MNX1: variants seen among roughly 807,000 people sequenced by gnomAD.
The protein encoded by MNX1 is motor neuron and pancreas homeobox 1.
In MNX1, 2 loss-of-function variants were observed where a neutral mutation model predicts 17.3. The ratio of observed to expected loss-of-function variants is 0.12; its 90% confidence interval spans 0.05 to 0.36. The LOEUF is 0.36. MNX1 is among the 10% of genes least tolerant of loss of function. The pLI is 1.00. For synonymous variants in MNX1, 306 were observed against 283.1 expected (o/e 1.08, Z -0.81); for missense variants, 556 against 564.7 (o/e 0.98, Z 0.16).
intron 1 of MNX1, chr7:157,009,134 A>G: frequency 6.5e-7 from 1 of 1,529,488 alleles, no homozygotes; most frequent in Non-Finnish European, 8.8e-7. Flanking sequence ...CGCCCTGGTA[A>G]GAGCCGGGGG....
Position 157,005,611 on chromosome 7 carries a change from T to C in MNX1, c.1115A>G (p.Asn372Ser), listed in dbSNP as rs1286597819. 2 of 1,603,790 alleles carry C rather than the reference T, an allele frequency of 1.2e-6. No individual in the cohort carries two copies. Among genetic ancestry groups the C allele is most frequent in the Non-Finnish European group, 1.7e-6 (2 of 1,176,026 alleles). Reference protein sequence around the residue: ...EDDEDHFPYSNGASVHAASSD... With the variant: ...EDDEDHFPYSSGASVHAASSD... ...GGAGGCGGCGTGGACGCTGGCGCCG[T>C]TGCTGTAGGGGAAATGGTCCTCGTC... Residue 372 changes from asparagine (N) to serine (S), a missense_variant, in exon 3 of 3, where the codon AAC becomes AGC. Coordinates refer to ENST00000252971, the MANE Select transcript of MNX1 (RefSeq NM_005515.4).
rs1480573696 is a variant in MNX1, at chr7:157,005,389, G to A, written c.*131C>T. ...GAATCCCTCCAGCCCCGGCCTGGGC[G>A]AGGGGTCCATGGGGCGGCGGTCGAG... On this transcript the variant is annotated 3_prime_UTR_variant, in exon 3 of 3. Transcript: ENST00000252971. The A allele has an allele frequency of 1.8e-6, 1 of 548,126 alleles. No homozygotes were observed. Among genetic ancestry groups the A allele is most frequent in the Non-Finnish European group, 2.6e-6 (1 of 387,288 alleles). The allele number at this position is 548,126 out of a possible 1,614,324, so 34.0% of individuals were successfully genotyped here. A position where few individuals can be genotyped will look rare whatever the true frequency, so the allele number is the denominator to read the frequency against.
rs1249707555 is a variant in MNX1, at chr7:157,010,318, G to A, written c.33C>T (p.Ala11=). 1.3e-6 allele frequency: 2 copies of A among 1,582,544 alleles called. No individual in the cohort carries two copies. Among genetic ancestry groups the A allele is most frequent in the East Asian group, 2.4e-5 (1 of 41,782 alleles). ...CTCGTGGGGGGTCCACCGCCAGCAGGGCGTCGATGCGGAAATTTTTGGATT... is the reference window on the plus strand; with the variant it reads ...CTCGTGGGGGGTCCACCGCCAGCAGAGCGTCGATGCGGAAATTTTTGGATT... MEKSKNFRID[A]LLAVDPPRAA... is the part of the protein sequence containing the mutation. The change falls in exon 1 of 3, where the codon GCC becomes GCT. Residue 11 remains alanine (A), a synonymous_variant. Coordinates refer to ENST00000252971, the MANE Select transcript of MNX1 (RefSeq NM_005515.4).
In MNX1 at chr7:157,006,503, G is replaced by T; in HGVS notation, c.828C>A (p.Thr276=). 6.2e-7 allele frequency: 1 copy of T among 1,611,286 alleles called. No homozygotes were observed. The highest frequency in any genetic ancestry group is 1.1e-5 in the South Asian group (1 of 90,382). Residue 276 remains threonine (T), a synonymous_variant, in exon 2 of 3, where the codon ACC becomes ACA. Transcript: ENST00000252971. The surrounding 1 kb of genome is among the most constrained non-coding windows in gnomAD (Gnocchi z 6.3). ...CCTGGGTCTCGGTGAGCATGAGCGA[G>T]GTGGCCACCTCGAAGCGCTTGGGCC... ...LSRPKRFEVA[T]SLMLTETQVK... is the part of the protein sequence containing the mutation.
rs1805593701 is a variant in MNX1, at chr7:157,006,142, C to G, written c.853-269G>C. 6.6e-6 allele frequency among the ~76,000 whole-genome samples: 1 copy of G among 152,240 alleles called. No individual in the cohort carries two copies. Among genetic ancestry groups the G allele is most frequent in the Non-Finnish European group, 1.5e-5 (1 of 68,038 alleles). On this transcript the variant is annotated intron_variant, in intron 2 of 2. Transcript: ENST00000252971. This position sits in a 1 kb window ranked among gnomAD's most constrained non-coding sequence, Gnocchi z 6.3. ...GACCCAGGCCGGGGACTTTTCTACC[C>G]GCGCCCTCCGTCTGCGGAGGAAGGG...
Position 157,005,448 on chromosome 7 carries a change from C to G in MNX1, c.*72G>C. On this transcript the variant is annotated 3_prime_UTR_variant, in exon 3 of 3. Coordinates refer to ENST00000252971, the MANE Select transcript of MNX1 (RefSeq NM_005515.4). ...CGGGGCCGGGCCGGGTGGGTGCGGG[C>G]GCCGGGGCCTCCGGGAGAAGCCGCC... The G allele has an allele frequency of 1.8e-6, 2 of 1,102,822 alleles. No individual in the cohort carries two copies. Among genetic ancestry groups the G allele is most frequent in the Non-Finnish European group, 2.3e-6 (2 of 880,524 alleles). 68.3% of individuals were successfully genotyped at this position (1,102,822 alleles called of 1,614,324 possible).
chr7:157,005,455 G>T lies in MNX1; in HGVS notation c.*65C>A, dbSNP rs1398353525. On this transcript the variant is annotated 3_prime_UTR_variant, in exon 3 of 3. Coordinates refer to ENST00000252971, the MANE Select transcript of MNX1 (RefSeq NM_005515.4). ...GGGCCGGGTGGGTGCGGGCGCCGGG[G>T]CCTCCGGGAGAAGCCGCCGGCCGGG... 3.7e-5 allele frequency: 43 copies of T among 1,157,926 alleles called. No homozygotes were observed. Among genetic ancestry groups the T allele is most frequent in the Non-Finnish European group, 4.4e-5 (41 of 927,240 alleles). 71.7% of individuals were successfully genotyped at this position (1,157,926 alleles called of 1,614,324 possible).
In MNX1 at chr7:157,005,724, C is replaced by T. The variant is rs771133897; in HGVS notation, c.1002G>A (p.Leu334=). Residue 334 remains leucine (L), a synonymous_variant, in exon 3 of 3, where the codon CTG becomes CTA. Coordinates refer to ENST00000252971, the MANE Select transcript of MNX1 (RefSeq NM_005515.4). ...GAEEPGAEEL[L]GPPAPGDKGS... The stretch of plus-strand genomic sequence containing the variant: ...CCTTGTCTCCGGGCGCTGGCGGCCC[C>T]AGCAGCTCCTCGGCTCCCGGCTCCT... 1 of 1,610,056 alleles carries T rather than the reference C, an allele frequency of 6.2e-7. No homozygotes were observed. Among genetic ancestry groups the T allele is most frequent in the East Asian group, 2.2e-5 (1 of 44,832 alleles).
chr7:157,009,400 G>A, intron 1 of MNX1: 7 of 1,424,946 alleles, frequency 4.9e-6, no homozygotes, highest in Non-Finnish European at 6.4e-6. Context: ...TTAGATCTCA[G>A]TCTCACACCT....
Position 157,010,356 on chromosome 7 carries a change from C to T in MNX1, c.-6G>A, listed in dbSNP as rs763573015. ...AAATTTTTGGATTTTTCCATCGGCT[C>T]GTTTGGGGCTGGCGCTCAGGGCCCG... On this transcript the variant is annotated 5_prime_UTR_variant, in exon 1 of 3. Coordinates refer to ENST00000252971, the MANE Select transcript of MNX1 (RefSeq NM_005515.4). 5.1e-6 allele frequency: 8 copies of T among 1,571,726 alleles called. No individual in the cohort carries two copies. The East Asian group carries it at 1.2e-4, about 24-fold the overall frequency.
chr7:157,008,885 G>GC, intron 1 of MNX1: 1 of 1,124,842 alleles, frequency 8.9e-7, no homozygotes, highest in South Asian at 1.4e-5. Flanking sequence ...AGGGGCCCAG[G>GC]CCTCTGGCGA....
In MNX1 at chr7:157,009,901, C is replaced by T. The variant is rs1385332405; in HGVS notation, c.450G>A (p.Ala150=). The T allele has an allele frequency of 3.0e-6, 4 of 1,346,122 alleles. No individual in the cohort carries two copies. The highest frequency in any genetic ancestry group is 2.7e-4 in the Middle Eastern group (1 of 3,658). The allele number at this position is 1,346,122 out of a possible 1,614,324, so 83.4% of individuals were successfully genotyped here. The change falls in exon 1 of 3, where the codon GCG becomes GCA. Residue 150 remains alanine, a synonymous_variant. Transcript: ENST00000252971. ...AGAGCGCCGCCTGCGCCGGGAGGCCCGCGCCGCCCTGCGCGCCCCCAGGGT... is the reference window on the plus strand; with the variant it reads ...AGAGCGCCGCCTGCGCCGGGAGGCCTGCGCCGCCCTGCGCGCCCCCAGGGT... ...GLHPGGAQGG[A]GLPAQAALYG... is the part of the protein sequence containing the mutation.
chr7:157,006,245 G>C lies in MNX1; in HGVS notation c.852+234C>G. 1.7e-6 allele frequency: 1 copy of C among 591,654 alleles called. No individual in the cohort carries two copies. Among genetic ancestry groups the C allele is most frequent in the Non-Finnish European group, 3.0e-6 (1 of 335,220 alleles). 36.7% of individuals were successfully genotyped at this position (591,654 alleles called of 1,614,324 possible). A position where few individuals can be genotyped will look rare whatever the true frequency, so the allele number is the denominator to read the frequency against. On this transcript the variant is annotated intron_variant, in intron 2 of 2. Coordinates refer to ENST00000252971, the MANE Select transcript of MNX1 (RefSeq NM_005515.4). This position sits in a 1 kb window ranked among gnomAD's most constrained non-coding sequence, Gnocchi z 6.3. Reference sequence around the variant, plus strand: ...TCTGGAACAAAATTTCTCGAATGCGGCCTGGGGATCACCTTCTTCAGAATG... The same window carrying C: ...TCTGGAACAAAATTTCTCGAATGCGCCCTGGGGATCACCTTCTTCAGAATG...
chr7:157,005,966 T>G, intron 2 of MNX1, 93 bp from the exon 3 acceptor site: 1 of 1,468,338 alleles, frequency 6.8e-7, no homozygotes. Flanking sequence ...TGGGCCCCAT[T>G]GGGTCGGCCC....
intron 1 of MNX1, chr7:157,008,892 G>C (rs777387160): frequency 1.6e-6 from 2 of 1,226,596 alleles, no homozygotes; most frequent in African/African-American, 3.0e-5. Context: ...CAGGCCTCTG[G>C]CGAGGTGTCC....
In MNX1 at chr7:157,006,287, A is replaced by T; in HGVS notation, c.852+192T>A. The stretch of plus-strand genomic sequence containing the variant: ...TTCAGAATGAAAGGAGGGGTGGTTA[A>T]GTGCTGATTCTTGGGCCCCACCCGA... On this transcript the variant is annotated intron_variant, in intron 2 of 2. Transcript: ENST00000252971. This position sits in a 1 kb window ranked among gnomAD's most constrained non-coding sequence, Gnocchi z 6.3. 3.2e-6 allele frequency: 2 copies of T among 616,170 alleles called. No homozygotes were observed. Among genetic ancestry groups the T allele is most frequent in the Non-Finnish European group, 5.7e-6 (2 of 353,428 alleles). 38.2% of individuals were successfully genotyped at this position (616,170 alleles called of 1,614,324 possible). A position where few individuals can be genotyped will look rare whatever the true frequency, so the allele number is the denominator to read the frequency against.
At position 157,005,731 on chromosome 7, in the gene MNX1, T is replaced by C. The variant is rs1805583870; in HGVS notation, c.995A>G (p.Glu332Gly). The C allele has an allele frequency of 6.2e-7, 1 of 1,609,496 alleles. No homozygotes were observed. The highest frequency in any genetic ancestry group is 8.5e-7 in the Non-Finnish European group (1 of 1,179,248). ...KGGAEEPGAE[E>G]LLGPPAPGDK... is the part of the protein sequence containing the mutation. ...TCCGGGCGCTGGCGGCCCCAGCAGC[T>C]CCTCGGCTCCCGGCTCCTCCGCGCC... The change falls in exon 3 of 3, where the codon GAG (glutamate) becomes GGG (glycine). Residue 332 changes from glutamate (E) to glycine (G), a missense_variant. By Grantham distance (98) the Glu-to-Gly change is moderately conservative. Coordinates refer to ENST00000252971, the MANE Select transcript of MNX1 (RefSeq NM_005515.4).
In MNX1 at chr7:157,006,906, GC is replaced by G. The variant is rs1805612212; in HGVS notation, c.692-268del. On this transcript the variant is annotated intron_variant, in intron 1 of 2. Coordinates refer to ENST00000252971, the MANE Select transcript of MNX1 (RefSeq NM_005515.4). The surrounding 1 kb of genome is among the most constrained non-coding windows in gnomAD (Gnocchi z 6.3). The stretch of plus-strand genomic sequence containing the variant: ...CGTCTGAGTGTCCCTGTTAAACAGG[GC>G]CCATCGCAGGAGGCTTCCTCTCCAC... 3.3e-6 allele frequency: 1 copy of G among 301,252 alleles called. No individual in the cohort carries two copies. Among genetic ancestry groups the G allele is most frequent in the Admixed American group, 5.1e-5 (1 of 19,540 alleles). 18.7% of individuals were successfully genotyped at this position (301,252 alleles called of 1,614,324 possible).
rs1354280506 is a variant in MNX1, at chr7:157,009,964, GGCGGCGGCGGCGGCA to G, written c.372_386del (p.Ala130_Ala134del). The G allele has an allele frequency of 5.2e-5, 51 of 973,742 alleles. No homozygotes were observed. The highest frequency in any genetic ancestry group is 7.1e-5 in the Admixed American group (1 of 14,102). The allele number at this position is 973,742 out of a possible 1,614,324, so 60.3% of individuals were successfully genotyped here. On this transcript the variant is annotated inframe_deletion, in exon 1 of 3. Coordinates refer to ENST00000252971, the MANE Select transcript of MNX1 (RefSeq NM_005515.4). Reference sequence around the variant, plus strand: ...CCAGGCCCCCAGCGGCGGCGGCGGCGGCGGCGGCGGCGGCAGCGGCCGCTGCGCCCGGATGCGCGT... The same window carrying G: ...CCAGGCCCCCAGCGGCGGCGGCGGCGGCGGCCGCTGCGCCCGGATGCGCGT...
Sources: allele counts gnomAD v4.1 joint callset (sites outside exome capture counted in the v4.1 genomes callset), GRCh38; gene constraint gnomAD v4.1.1; non-coding constraint Gnocchi (gnomAD v3.1); transcripts MANE v1.5; gene names NCBI Gene and HGNC (gene_info 2026-07-23, HGNC 2026-07-21).